BAALC: variants seen among roughly 807,000 people sequenced by gnomAD.
BAALC encodes the protein brain and acute leukemia cytoplasmic protein.
BAALC carries 9 observed loss-of-function variants against 15.5 expected under a neutral mutation model. That is an observed-to-expected ratio of 0.58 (90% CI 0.35 to 1.02). BAALC has a LOEUF of 1.02. BAALC is among the 50% of genes least tolerant of loss of function. The probability of loss-of-function intolerance (pLI) is 0.02; values close to 1 mark genes in which losing one functional copy is unlikely to be tolerated. For synonymous variants in BAALC, 80 were observed against 74.6 expected (o/e 1.07, Z -0.37); for missense variants, 201 against 192.4 (o/e 1.04, Z -0.27).
chr8:103,154,183 G>A (rs943689528), intron 1 of BAALC, among the ~76,000 whole-genome samples: 1 of 152,072 alleles, frequency 6.6e-6, no homozygotes, highest in African/African-American at 2.4e-5. Flanking sequence ...AGCATGTGCC[G>A]GGCTTTGCAG....
intron 1 of BAALC, among the ~76,000 whole-genome samples, chr8:103,174,055 A>AGACGATCCAGAGT (rs1811554579): frequency 6.6e-6 from 1 of 152,192 alleles, no homozygotes; most frequent in Non-Finnish European, 1.5e-5. Flanking sequence ...CTTCACCCAT[A>AGACGATCCAGAGT]GACGATCCAG....
At chr8:103,169,793 A>G (rs1432218563) in intron 1 of BAALC, among the ~76,000 whole-genome samples, 1 of 152,172 alleles carries the variant, frequency 6.6e-6, no homozygotes, top group African/African-American at 2.4e-5. Flanking sequence ...GAAGTTTTTT[A>G]TTAGAAAACA....
chr8:103,167,344 C>T (rs79547292), intron 1 of BAALC, among the ~76,000 whole-genome samples: 2,880 of 152,230 alleles, frequency 0.019, 89 homozygotes, highest in African/African-American at 0.063. Context: ...TCTAGAGCAG[C>T]GCTGTCCAGA....
intron 1 of BAALC, among the ~76,000 whole-genome samples, chr8:103,161,336 A>G (rs1811218639): frequency 1.3e-5 from 2 of 151,890 alleles, no homozygotes; most frequent in Non-Finnish European, 1.5e-5. Context: ...CTCTATATCC[A>G]TATCTGTATC....
At chr8:103,145,260 C>T (rs1377138141) in intron 1 of BAALC, among the ~76,000 whole-genome samples, 1 of 152,252 alleles carries the variant, frequency 6.6e-6, no homozygotes, top group Non-Finnish European at 1.5e-5. Flanking sequence ...CTGTGAGACT[C>T]TTCCTGCTTC....
At chr8:103,179,967 T>C (rs1187251426) in intron 1 of BAALC, among the ~76,000 whole-genome samples, 2 of 150,938 alleles carry the variant, frequency 1.3e-5, no homozygotes, top group African/African-American at 5.0e-5. Context: ...CAGAGGGAAG[T>C]TGTTGTTCCT....
chr8:103,183,392 T>C, intron 1 of BAALC: 2 of 703,010 alleles, frequency 2.8e-6, no homozygotes, highest in East Asian at 5.4e-5. Context: ...CCTTTGCACT[T>C]GCCTGGAGAG....
chr8:103,195,900 C>T (rs1214118040), intron 1 of BAALC, among the ~76,000 whole-genome samples: 1 of 152,118 alleles, frequency 6.6e-6, no homozygotes, highest in East Asian at 1.9e-4. Flanking sequence ...ACAAATGATA[C>T]CAACAGTGAT....
intron 1 of BAALC, among the ~76,000 whole-genome samples, chr8:103,181,567 C>G (rs766591054): frequency 6.6e-6 from 1 of 152,128 alleles, no homozygotes; most frequent in African/African-American, 2.4e-5. Flanking sequence ...CCACCTCGCC[C>G]GGCCAGGAAT....
At chr8:103,151,473 A>G (rs1407236371) in intron 1 of BAALC, among the ~76,000 whole-genome samples, 2 of 152,196 alleles carry the variant, frequency 1.3e-5, no homozygotes, top group Admixed American at 6.5e-5. Flanking sequence ...AGTGTTGTGC[A>G]TTCTAGCAGC....
intron 1 of BAALC, among the ~76,000 whole-genome samples, chr8:103,211,050 G>C (rs975328763): frequency 2.6e-5 from 4 of 151,938 alleles, no homozygotes; most frequent in Non-Finnish European, 5.9e-5. Context: ...AGCTGTTCTT[G>C]ATATCACTGA....
At chr8:103,146,988 GTC>G (rs1172819260) in intron 1 of BAALC, among the ~76,000 whole-genome samples, 1 of 152,206 alleles carries the variant, frequency 6.6e-6, no homozygotes, top group Non-Finnish European at 1.5e-5. Flanking sequence ...TCTCTAGTTA[GTC>G]TGTGAGCTCT....
At chr8:103,177,530 A>C (rs1811634906) in intron 1 of BAALC, among the ~76,000 whole-genome samples, 1 of 151,736 alleles carries the variant, frequency 6.6e-6, no homozygotes, top group Non-Finnish European at 1.5e-5. Context: ...AAAATTCCCC[A>C]CCGTCTTGGC....
At chr8:103,145,799 T>C (rs1209066021) in intron 1 of BAALC, among the ~76,000 whole-genome samples, 1 of 152,232 alleles carries the variant, frequency 6.6e-6, no homozygotes, top group African/African-American at 2.4e-5. Context: ...TAAACGTTTG[T>C]TGAATGAATG....
At chr8:103,157,149 CACCA>C (rs1295367337) in intron 1 of BAALC, 7 of 148,558 alleles carry the variant, frequency 4.7e-5, no homozygotes, top group Non-Finnish European at 7.5e-5. Flanking sequence ...CACACACACA[CACCA>C]CACACAAATG....
intron 2 of BAALC, among the ~76,000 whole-genome samples, chr8:103,225,434 A>C (rs77388308): frequency 0.011 from 1,646 of 152,340 alleles, 25 homozygotes; most frequent in African/African-American, 0.036. Flanking sequence ...GCAGAACCTG[A>C]GATAAGGATG....
At chr8:103,162,160 C>T (rs62527636) in intron 1 of BAALC, among the ~76,000 whole-genome samples, 5,693 of 151,818 alleles carry the variant, frequency 0.037, 165 homozygotes, top group Non-Finnish European at 0.063. Flanking sequence ...TGGGGTTTTG[C>T]CATGTTGCCC....
intron 1 of BAALC, among the ~76,000 whole-genome samples, chr8:103,151,099 C>A (rs994725972): frequency 6.6e-6 from 1 of 151,438 alleles, no homozygotes; most frequent in African/African-American, 2.4e-5. Context: ...CTCACTGCAA[C>A]CTCTGCCTCC....
At chr8:103,224,589 C>T (rs1402115679) in intron 2 of BAALC, among the ~76,000 whole-genome samples, 1 of 152,018 alleles carries the variant, frequency 6.6e-6, no homozygotes, top group Non-Finnish European at 1.5e-5. Context: ...AAGCTCTCAG[C>T]CGACTTCAGG....
Sources: allele counts gnomAD v4.1 joint callset (sites outside exome capture counted in the v4.1 genomes callset), GRCh38; gene constraint gnomAD v4.1.1; transcripts MANE v1.5; gene names NCBI Gene and HGNC (gene_info 2026-07-23, HGNC 2026-07-21).